The following WDR70 variants were observed in gnomAD, a reference collection of about 807,000 sequenced individuals.
The protein encoded by WDR70 is WD repeat domain 70, also known as WD repeat-containing protein 70.
A neutral mutation model predicts 88.6 loss-of-function variants in WDR70; 53 were observed. The ratio of observed to expected loss-of-function variants is 0.60; its 90% CI spans 0.48 to 0.75. WDR70 has a LOEUF of 0.75. Among genes scored for constraint, WDR70 ranks in the 30% least tolerant of loss-of-function variants. The probability of loss-of-function intolerance (pLI) is 0.00; values close to 1 mark genes in which losing one functional copy is unlikely to be tolerated. For missense variants in WDR70, 610 were observed against 823.2 expected (o/e 0.74, Z 3.17); for synonymous variants, 280 against 270.0 (o/e 1.04, Z -0.36).
chr5:37,561,441 G>A (rs1742501194), intron 9 of WDR70, among the ~76,000 whole-genome samples: 1 of 152,200 alleles, frequency 6.6e-6, no homozygotes, highest in Admixed American at 6.5e-5. Context: ...TAAAACAGCT[G>A]TTTAATTTAA....
intron 5 of WDR70, among the ~76,000 whole-genome samples, chr5:37,401,190 T>C (rs575860419): frequency 7.3e-6 from 1 of 137,166 alleles, no homozygotes. Flanking sequence ...TTTTTTTTTT[T>C]AGTAGAGATG....
Position 37,497,712 on chromosome 5 carries a change from A to T in WDR70, c.840+17725A>T, listed in dbSNP as rs931345855. The stretch of plus-strand genomic sequence containing the variant: ...TTTTTTCTTAAGCATAGGCTGACAA[A>T]TTTCTACTTTCAAAAGAGATTAATG... On this transcript the variant is annotated intron_variant, in intron 8 of 17. Transcript: ENST00000265107. 9.2e-5 allele frequency among the ~76,000 whole-genome samples: 14 copies of T among 151,982 alleles called. No individual in the cohort carries two copies. In the East Asian group the frequency reaches 2.7e-3, roughly 29 times the overall value.
In WDR70 at chr5:37,752,527, A is replaced by G; in HGVS notation, c.1919A>G (p.Asp640Gly). ...KTMFAQVESD[D>G]EEAKNEPEWK... is the part of the protein sequence containing the mutation. ...ATGTTTGCCCAAGTTGAATCTGATG[A>G]TGAGGAAGCAAAGAATGAGCCAGAA... Residue 640 changes from aspartate (D) to glycine (G), a missense_variant, in exon 18 of 18, where the codon GAT becomes GGT. Physicochemically the swap from Asp to Gly is moderately conservative, Grantham distance 94. Transcript: ENST00000265107. 1 of 1,613,008 alleles carries G rather than the reference A, an allele frequency of 6.2e-7. No individual in the cohort carries two copies. The highest frequency in any genetic ancestry group is 8.5e-7 in the Non-Finnish European group (1 of 1,179,510).
At chr5:37,637,339 TTAAATAAATAAATAAATAAA>T (rs34958458) in intron 10 of WDR70, among the ~76,000 whole-genome samples, 4 of 145,090 alleles carry the variant, frequency 2.8e-5, no homozygotes, top group African/African-American at 7.6e-5. Flanking sequence ...AATAAATAAA[TTAAATAAATAAATAAATAAA>T]TAAATAAATA....
chr5:37,610,296 T>C (rs1238083739), intron 10 of WDR70, among the ~76,000 whole-genome samples: 1 of 151,782 alleles, frequency 6.6e-6, no homozygotes, highest in African/African-American at 2.4e-5. Context: ...TTTGTTTTTA[T>C]GTAGAGAGAA....
rs572967414 is a variant in WDR70, at chr5:37,490,357, C to T, written c.840+10370C>T. 5.3e-5 allele frequency among the ~76,000 whole-genome samples: 8 copies of T among 152,016 alleles called. No individual in the cohort carries two copies. The South Asian group carries it at 1.5e-3, about 28-fold the overall frequency. The stretch of plus-strand genomic sequence containing the variant: ...GGGCATGTGGAAATGAACAGCTCTG[C>T]TAAGGGGAAGGCTCAATGACAGAGG... On this transcript the variant is annotated intron_variant, in intron 8 of 17. Transcript: ENST00000265107.
rs531411689 is a variant in WDR70 at position 37,712,244 on chromosome 5, G to C, written c.1417-8871G>C. On this transcript the variant is annotated intron_variant, in intron 13 of 17. Coordinates refer to ENST00000265107, the MANE Select transcript of WDR70 (RefSeq NM_018034.4). The stretch of plus-strand genomic sequence containing the variant: ...CTGACCTTGTGATCCACCCGCCTCG[G>C]CCTCCCAAAGTGTTGGGATTACAGG... Among the ~76,000 whole-genome samples, 232 of 152,152 alleles carry C rather than the reference G, an allele frequency of 1.5e-3. 7 individuals are homozygous for C. The South Asian group carries it at 0.045, about 30-fold the overall frequency.
At chr5:37,586,665 T>C (rs1052341591) in intron 9 of WDR70, among the ~76,000 whole-genome samples, 4 of 151,412 alleles carry the variant, frequency 2.6e-5, no homozygotes, top group African/African-American at 9.7e-5. Context: ...GCACACACCT[T>C]CTTTTTAAAA....
intron 7 of WDR70, among the ~76,000 whole-genome samples, chr5:37,470,586 ATTG>A (rs1475489304): frequency 6.6e-6 from 1 of 152,168 alleles, no homozygotes; most frequent in East Asian, 1.9e-4. Flanking sequence ...TACAGCATAT[ATTG>A]TTTTTGTCTG....
At chr5:37,722,825 A>G (rs372597106) in intron 14 of WDR70, 30 bp from the exon 15 acceptor site, 171 of 1,608,122 alleles carry the variant, frequency 1.1e-4, no homozygotes, top group Non-Finnish European at 1.4e-4. Context: ...AGACCAAGTA[A>G]AGAAAATAAT....
chr5:37,725,101 G>T, intron 16 of WDR70, 51 bp downstream of exon 16: 2 of 1,508,718 alleles, frequency 1.3e-6, no homozygotes, highest in South Asian at 2.3e-5. Flanking sequence ...AGGCAGGGTG[G>T]GGTAATTGAT....
At chr5:37,718,346 C>A (rs961262425) in intron 13 of WDR70, among the ~76,000 whole-genome samples, 1 of 152,162 alleles carries the variant, frequency 6.6e-6, no homozygotes, top group Non-Finnish European at 1.5e-5. Flanking sequence ...GCCTGTTTGG[C>A]TGGATGTCTT....
At chr5:37,665,663 G>A (rs1745818916) in intron 10 of WDR70, among the ~76,000 whole-genome samples, 1 of 152,306 alleles carries the variant, frequency 6.6e-6, no homozygotes, top group South Asian at 2.1e-4. Context: ...ACATCCCTAT[G>A]TAGAGATAGG....
rs376046953 is a variant in WDR70, at chr5:37,732,587, A to T, written c.1877+5542A>T. ...TTGTGGTTTTCACCTGCATTTTTAT[A>T]ATTTTTTAGCATCTGTTCTCGAGAA... is the stretch of plus-strand genomic sequence containing the variant. On this transcript the variant is annotated intron_variant, in intron 17 of 17. Transcript: ENST00000265107. Among the ~76,000 whole-genome samples, 45 of 152,190 alleles carry T rather than the reference A, an allele frequency of 3.0e-4. 2 individuals are homozygous for T. In the South Asian group the frequency reaches 9.1e-3, roughly 31 times the overall value.
In WDR70 at chr5:37,745,107, C is replaced by T. The variant is rs145624357; in HGVS notation, c.1878-7379C>T. Among the ~76,000 whole-genome samples the T allele has an allele frequency of 4.8e-3, 731 of 152,240 alleles. 6 individuals are homozygous for T. Among genetic ancestry groups the T allele is most frequent in the African/African-American group, 0.017 (687 of 41,532 alleles). On this transcript the variant is annotated intron_variant, in intron 17 of 17. Coordinates refer to ENST00000265107, the MANE Select transcript of WDR70 (RefSeq NM_018034.4). ...AACCTCTACAAGCCAGAAGAGATTG[C>T]GGGCCAATATCCAACATTCTTAAAG... is the stretch of plus-strand genomic sequence containing the variant.
At chr5:37,468,926 G>A (rs936570739) in intron 7 of WDR70, among the ~76,000 whole-genome samples, 1 of 152,232 alleles carries the variant, frequency 6.6e-6, no homozygotes, top group Admixed American at 6.5e-5. Context: ...TTTATATCAG[G>A]GACTTGAGTA....
chr5:37,457,383 A>C (rs996197476), intron 7 of WDR70, among the ~76,000 whole-genome samples: 3 of 152,226 alleles, frequency 2.0e-5, no homozygotes, highest in African/African-American at 7.2e-5. Flanking sequence ...GGTGTGAGCC[A>C]CTGCACCCAG....
intron 10 of WDR70, among the ~76,000 whole-genome samples, chr5:37,695,836 C>T (rs76999329): frequency 0.011 from 1,701 of 152,232 alleles, 38 homozygotes; most frequent in African/African-American, 0.04. Context: ...GGACATCACA[C>T]TAGGGGGCAG....
chr5:37,396,193 T>TA (rs1749006032), intron 4 of WDR70, among the ~76,000 whole-genome samples, 182 bp from the exon 5 acceptor site: 1 of 151,860 alleles, frequency 6.6e-6, no homozygotes, highest in Non-Finnish European at 1.5e-5. Flanking sequence ...CGGTTTTTTT[T>TA]AACTTTCTTA....
Sources: gnomAD v4.1 joint callset for allele counts (sites outside exome capture counted in the v4.1 genomes callset) on GRCh38, gnomAD v4.1.1 for gene constraint, MANE v1.5 for transcripts, NCBI Gene and HGNC (gene_info 2026-07-23, HGNC 2026-07-21) for gene names.